Variants in USP7 observed in about 807,000 individuals in gnomAD.
USP7 encodes ubiquitin C-terminal hydrolase 7.
A neutral mutation model predicts 162.9 loss-of-function variants in USP7; 9 were observed. The ratio of observed to expected loss-of-function variants is 0.06; its 90% confidence interval spans 0.03 to 0.10. USP7 has a LOEUF of 0.10. Among genes scored for constraint, USP7 ranks in the 10% least tolerant of loss-of-function variants. USP7 has a pLI of 1.00. For synonymous variants in USP7, 562 were observed against 475.9 expected (o/e 1.18, Z -2.35); for missense variants, 715 against 1,373.7 (o/e 0.52, Z 7.58).
chr16:8,927,960 CAT>C (rs1383273844), intron 2 of USP7, among the ~76,000 whole-genome samples: 4 of 152,218 alleles, frequency 2.6e-5, no homozygotes, highest in African/African-American at 9.6e-5. Flanking sequence ...GCCTGGGTAA[CAT>C]AGTGACATCC....
intron 1 of USP7, among the ~76,000 whole-genome samples, chr16:8,939,478 C>A (rs1898931995): frequency 6.6e-6 from 1 of 152,196 alleles, no homozygotes; most frequent in Admixed American, 6.5e-5. Context: ...ACAAATAAAG[C>A]TGCTATGAAA....
chr16:8,923,552 T>G, intron 2 of USP7, 139 bp from the exon 3 acceptor site: 1 of 877,696 alleles, frequency 1.1e-6, no homozygotes, highest in Non-Finnish European at 1.7e-6. Flanking sequence ...TGCTTCCAAT[T>G]TATTAAAACC....
chr16:8,942,913 C>A (rs1899111336), intron 1 of USP7, among the ~76,000 whole-genome samples: 1 of 152,174 alleles, frequency 6.6e-6, no homozygotes, highest in African/African-American at 2.4e-5. Context: ...GCTGGAAAGC[C>A]ATTTCCAGGG....
Position 8,894,277 on chromosome 16 carries a change from G to A in USP7, c.3203-173C>T, listed in dbSNP as rs1352183833. ...AGCTAAGGAGGCCCACACCCTGACTGCGCCTCAGAGCCACTGCCCTCACAA... is the reference window on the plus strand; with the variant it reads ...AGCTAAGGAGGCCCACACCCTGACTACGCCTCAGAGCCACTGCCCTCACAA... On this transcript the variant is annotated intron_variant, in intron 30 of 30. Coordinates refer to ENST00000344836, the MANE Select transcript of USP7 (RefSeq NM_003470.3). 3.3e-5 allele frequency among the ~76,000 whole-genome samples: 5 copies of A among 152,134 alleles called. No individual in the cohort carries two copies. The East Asian group carries it at 9.6e-4, about 29-fold the overall frequency.
Position 8,901,950 on chromosome 16 carries a change from G to A in USP7, c.2047+132C>T, listed in dbSNP as rs535555999. ...TTATTTGACTTCATCAGGAAGTCTA[G>A]TGAGCTTTTGTGGAATTGATCAACA... On this transcript the variant is annotated intron_variant, in intron 18 of 30. Transcript: ENST00000344836. 4 of 764,480 alleles carry A rather than the reference G, an allele frequency of 5.2e-6. No homozygotes were observed. In the Admixed American group the frequency reaches 8.2e-5, roughly 16 times the overall value. The allele number at this position is 764,480 out of a possible 1,614,324, so 47.4% of individuals were successfully genotyped here. A position where few individuals can be genotyped will look rare whatever the true frequency, so the allele number is the denominator to read the frequency against.
rs1596374634 is a variant in USP7, at chr16:8,917,285, G to T, written c.721-129C>A. The T allele has an allele frequency of 5.5e-6, 6 of 1,094,694 alleles. No homozygotes were observed. The East Asian group carries it at 1.4e-4, about 25-fold the overall frequency. The allele number at this position is 1,094,694 out of a possible 1,614,324, so 67.8% of individuals were successfully genotyped here. On this transcript the variant is annotated intron_variant, in intron 6 of 30. Coordinates refer to ENST00000344836, the MANE Select transcript of USP7 (RefSeq NM_003470.3). ...ACACAATGGCTAAGGTTGTTGTTAG[G>T]GCTTTTAACGATCCCCAAATTGGTG...
In USP7 at chr16:8,895,905, C is replaced by CA. The variant is rs145178564; in HGVS notation, c.2820-165dup. Among the ~76,000 whole-genome samples the CA allele has an allele frequency of 7.6e-3, 1,142 of 149,802 alleles. 9 individuals carry two copies. Among genetic ancestry groups the CA allele is most frequent in the Non-Finnish European group, 0.013 (881 of 67,766 alleles). ...AGGCTGGAGTGCAACAGCATGGTCTCAGCTCACTGCAACCTCCGCCTCCCG... is the reference window on the plus strand; with the variant it reads ...AGGCTGGAGTGCAACAGCATGGTCTCAAGCTCACTGCAACCTCCGCCTCCCG... On this transcript the variant is annotated intron_variant, in intron 26 of 30. Transcript: ENST00000344836.
chr16:8,895,534 T>TA lies in USP7; in HGVS notation c.2919+107dup. 3.1e-6 allele frequency: 3 copies of TA among 962,692 alleles called. No homozygotes were observed. The South Asian group carries it at 4.3e-5, about 14-fold the overall frequency. The allele number at this position is 962,692 out of a possible 1,614,324, so 59.6% of individuals were successfully genotyped here. On this transcript the variant is annotated intron_variant, in intron 27 of 30. Transcript: ENST00000344836. ...TGGAATCATATACCTCGATTACTGGTATAAAAACACAAATCAAGCTACTTG... is the reference window on the plus strand; with the variant it reads ...TGGAATCATATACCTCGATTACTGGTAATAAAAACACAAATCAAGCTACTTG...
chr16:8,944,205 G>T (rs1038759191), intron 1 of USP7, among the ~76,000 whole-genome samples: 10 of 148,496 alleles, frequency 6.7e-5, no homozygotes, highest in African/African-American at 2.5e-4. Context: ...TAAAACAAAA[G>T]CAAAAATACG....
In USP7 at chr16:8,893,321, T is replaced by G. The variant is rs539655670; in HGVS notation, c.*677A>C. On this transcript the variant is annotated 3_prime_UTR_variant, in exon 31 of 31. Coordinates refer to ENST00000344836, the MANE Select transcript of USP7 (RefSeq NM_003470.3). ...TAAACCTTAATTGAATTTAACAATG[T>G]TCTTGATTTAATAAAAAGACCCCCA... 1 of 152,394 alleles carries G rather than the reference T, an allele frequency of 6.6e-6. No individual in the cohort carries two copies. Among genetic ancestry groups the G allele is most frequent in the East Asian group, 1.9e-4 (1 of 5,188 alleles). The allele number at this position is 152,394 out of a possible 1,614,324, so 9.4% of individuals were successfully genotyped here. A position where few individuals can be genotyped will look rare whatever the true frequency, so the allele number is the denominator to read the frequency against.
intron 15 of USP7, among the ~76,000 whole-genome samples, chr16:8,903,909 T>G (rs530046012): frequency 2.6e-5 from 4 of 151,332 alleles, no homozygotes; most frequent in Non-Finnish European, 5.9e-5. Context: ...AAGGAGACTG[T>G]GTTTCACTGC....
intron 1 of USP7, among the ~76,000 whole-genome samples, chr16:8,933,966 A>T (rs981559066): frequency 2.0e-5 from 3 of 152,112 alleles, no homozygotes; most frequent in African/African-American, 7.2e-5. Context: ...CATGTTGGCC[A>T]GGCTGGTCTC....
intron 12 of USP7, among the ~76,000 whole-genome samples, 162 bp from the exon 13 acceptor site, chr16:8,906,744 T>C (rs949300871): frequency 2.0e-5 from 3 of 152,186 alleles, no homozygotes; most frequent in Admixed American, 6.5e-5. Flanking sequence ...CCGTACTTGA[T>C]AGAAATAACT....
At chr16:8,912,076 A>G (rs187051188) in intron 10 of USP7, among the ~76,000 whole-genome samples, 2 of 152,352 alleles carry the variant, frequency 1.3e-5, no homozygotes, top group East Asian at 3.9e-4. Flanking sequence ...TTATCTGTGC[A>G]TAAGAGCAAA....
chr16:8,942,850 T>A (rs1434304978), intron 1 of USP7, among the ~76,000 whole-genome samples: 1 of 152,168 alleles, frequency 6.6e-6, no homozygotes, highest in African/African-American at 2.4e-5. Context: ...ATCCAGCCAC[T>A]TTGTGATTTT....
intron 28 of USP7, 66 bp downstream of exon 28, chr16:8,894,965 G>T: frequency 6.2e-7 from 1 of 1,613,254 alleles, no homozygotes; most frequent in Non-Finnish European, 8.5e-7. Context: ...CGCAGATTCG[G>T]CAACAGCGGC....
At chr16:8,919,315 G>A (rs1007817123) in intron 5 of USP7, among the ~76,000 whole-genome samples, 176 bp from the exon 6 acceptor site, 3 of 151,914 alleles carry the variant, frequency 2.0e-5, no homozygotes, top group Non-Finnish European at 4.4e-5. Flanking sequence ...GTGTGAACTG[G>A]TGCAAATGCA....
chr16:8,960,203 CTCTA>C (rs1015368785), intron 1 of USP7, among the ~76,000 whole-genome samples: 1 of 152,224 alleles, frequency 6.6e-6, no homozygotes, highest in Non-Finnish European at 1.5e-5. Flanking sequence ...ACCTCCACAG[CTCTA>C]TCTGCCTTCC....
Position 8,898,378 on chromosome 16 carries a change from G to A in USP7, c.2700C>T (p.Asn900=). 6.2e-7 allele frequency: 1 copy of A among 1,610,614 alleles called. No individual in the cohort carries two copies. The highest frequency in any genetic ancestry group is 8.5e-7 in the Non-Finnish European group (1 of 1,179,254). Residue 900 remains asparagine, a synonymous_variant, in exon 25 of 31, where the codon AAC becomes AAT. Coordinates refer to ENST00000344836, the MANE Select transcript of USP7 (RefSeq NM_003470.3). ...NRRSFKCIWL[N]SQFREEEITL... ...AACTTACCTCTTCCCTAAATTGGCT[G>A]TTTAACCATATACATTTAAAACTTC... is the stretch of plus-strand genomic sequence containing the variant.
Sources: allele counts gnomAD v4.1 joint callset (sites outside exome capture counted in the v4.1 genomes callset), GRCh38; gene constraint gnomAD v4.1.1; transcripts MANE v1.5; gene names NCBI Gene and HGNC (gene_info 2026-07-23, HGNC 2026-07-21).